Variants in GRID2 observed in about 807,000 individuals in gnomAD.
GRID2 encodes glutamate ionotropic receptor delta type subunit 2.
Under a neutral mutation model 114.8 loss-of-function variants are expected in GRID2, and 33 were observed. The ratio of observed to expected loss-of-function variants is 0.29; its 90% CI spans 0.22 to 0.38. GRID2 has a LOEUF of 0.38. Among genes scored for constraint, GRID2 ranks in the 10% least tolerant of loss-of-function variants. The probability of loss-of-function intolerance (pLI) is 1.00; values close to 1 mark genes in which losing one functional copy is unlikely to be tolerated. For missense variants in GRID2, 1,184 were observed against 1,257.7 expected, an observed-to-expected ratio of 0.94 and a Z score of 0.89; for synonymous variants, 505 against 449.9, an observed-to-expected ratio of 1.12 and a Z score of -1.55.
intron 8 of GRID2, among the ~76,000 whole-genome samples, chr4:93,268,525 C>G (rs1751102345): frequency 6.6e-6 from 1 of 152,156 alleles, no homozygotes; most frequent in African/African-American, 2.4e-5. Flanking sequence ...AGGATAAATT[C>G]AAGCCTTTAT....
At chr4:93,603,999 A>T (rs753078020) in intron 13 of GRID2, among the ~76,000 whole-genome samples, 32 of 152,366 alleles carry the variant, frequency 2.1e-4, no homozygotes, top group Non-Finnish European at 4.7e-4. Flanking sequence ...TGCTAACACA[A>T]GATCCATTCT....
chr4:92,441,652 G>A (rs888197449), intron 1 of GRID2, among the ~76,000 whole-genome samples: 12 of 152,116 alleles, frequency 7.9e-5, no homozygotes, highest in Admixed American at 5.9e-4. Context: ...AGGCCATGCT[G>A]TAGCAGGCGA....
chr4:92,939,035 G>A (rs1253043396), intron 2 of GRID2, among the ~76,000 whole-genome samples: 1 of 147,068 alleles, frequency 6.8e-6, no homozygotes, highest in South Asian at 2.3e-4. Flanking sequence ...ACATGTGTGG[G>A]TGTCTTTATA....
intron 1 of GRID2, among the ~76,000 whole-genome samples, chr4:92,474,257 T>C (rs571349608): frequency 8.5e-5 from 13 of 152,134 alleles, no homozygotes; most frequent in Middle Eastern, 6.8e-3. Flanking sequence ...GTATAAGTGA[T>C]GTCATGCAAT....
chr4:92,611,185 G>GC (rs139002622), intron 2 of GRID2, among the ~76,000 whole-genome samples: 7,045 of 150,650 alleles, frequency 0.047, 206 homozygotes, highest in East Asian at 0.095. Context: ...TGCTTAGGCT[G>GC]CATAATAAAA....
chr4:92,328,383 T>C (rs1043803367), intron 1 of GRID2, among the ~76,000 whole-genome samples: 11 of 152,160 alleles, frequency 7.2e-5, no homozygotes, highest in East Asian at 5.8e-4. Flanking sequence ...GCCAGAGTGG[T>C]TGAAAATAAA....
At chr4:93,803,898 A>C (rs1348920552) in intron 1 of GRID2, among the ~76,000 whole-genome samples, 1 of 152,238 alleles carries the variant, frequency 6.6e-6, no homozygotes, top group African/African-American at 2.4e-5. Context: ...ATTAAAAACA[A>C]AAATGTAAAA....
At chr4:93,363,461 T>A (rs2149278435) in intron 8 of GRID2, among the ~76,000 whole-genome samples, 1 of 152,254 alleles carries the variant, frequency 6.6e-6, no homozygotes, top group South Asian at 2.1e-4. Flanking sequence ...TTTCCAGACA[T>A]CTACATCCTA....
intron 2 of GRID2, among the ~76,000 whole-genome samples, chr4:92,660,949 T>C (rs1732483670): frequency 6.6e-6 from 1 of 151,050 alleles, no homozygotes; most frequent in African/African-American, 2.4e-5. Flanking sequence ...TCGGACCATT[T>C]TGGCTAACCT....
chr4:92,313,321 C>T (rs1327563997), intron 1 of GRID2, among the ~76,000 whole-genome samples: 1 of 151,902 alleles, frequency 6.6e-6, no homozygotes, highest in Admixed American at 6.6e-5. Flanking sequence ...ACTTTGGGGA[C>T]TTGCGAAGAA....
chr4:92,553,173 A>G (rs1726680038), intron 1 of GRID2, among the ~76,000 whole-genome samples: 1 of 152,224 alleles, frequency 6.6e-6, no homozygotes, highest in African/African-American at 2.4e-5. Flanking sequence ...ATTACCAATT[A>G]TAGCTTAATA....
chr4:92,661,755 C>T (rs1337464048), intron 2 of GRID2, among the ~76,000 whole-genome samples: 1 of 150,698 alleles, frequency 6.6e-6, no homozygotes, highest in Non-Finnish European at 1.5e-5. Flanking sequence ...AATTTCTCAA[C>T]TGAAATAATG....
At chr4:92,790,850 C>T (rs1378536605) in intron 2 of GRID2, among the ~76,000 whole-genome samples, 1 of 148,482 alleles carries the variant, frequency 6.7e-6, no homozygotes, top group African/African-American at 2.5e-5. Context: ...GTTTTGTTTT[C>T]TTCTTGGAAG....
chr4:92,677,385 C>A (rs1349152680), intron 2 of GRID2, among the ~76,000 whole-genome samples: 1 of 152,144 alleles, frequency 6.6e-6, no homozygotes, highest in African/African-American at 2.4e-5. Flanking sequence ...TTGGCAGGAA[C>A]CTTATGAAAA....
intron 2 of GRID2, among the ~76,000 whole-genome samples, chr4:92,891,939 A>T (rs1418125202): frequency 1.3e-5 from 2 of 152,168 alleles, no homozygotes; most frequent in African/African-American, 4.8e-5. Flanking sequence ...ATATTGAGAG[A>T]TTCCCATTAT....
intron 8 of GRID2, among the ~76,000 whole-genome samples, chr4:93,354,284 T>C (rs1368680546): frequency 2.0e-5 from 3 of 152,098 alleles, no homozygotes; most frequent in Non-Finnish European, 2.9e-5. Context: ...TTATTTTTCA[T>C]AATTTCTTAT....
chr4:93,471,724 A>ATTTTTTT (rs1376552924), intron 11 of GRID2, among the ~76,000 whole-genome samples: 1 of 19,688 alleles, frequency 5.1e-5, no homozygotes, highest in African/African-American at 4.0e-4. Context: ...TTGGAGACGG[A>ATTTTTTT]GTTTTTGCTC....
intron 2 of GRID2, among the ~76,000 whole-genome samples, chr4:92,733,087 C>CCT (rs138334585): frequency 0.1 from 15,339 of 150,550 alleles, 1,000 homozygotes; most frequent in Non-Finnish European, 0.14. Context: ...TTCATGTCTT[C>CCT]CTCTCTCTCT....
intron 11 of GRID2, among the ~76,000 whole-genome samples, chr4:93,465,602 A>G (rs978141363): frequency 1.3e-5 from 2 of 152,204 alleles, no homozygotes; most frequent in Non-Finnish European, 2.9e-5. Flanking sequence ...AACTGTATTC[A>G]TGACACAAAG....
Sources: gnomAD v4.1 joint callset for allele counts (sites outside exome capture counted in the v4.1 genomes callset) on GRCh38, gnomAD v4.1.1 for gene constraint, MANE v1.5 for transcripts, NCBI Gene and HGNC (gene_info 2026-07-23, HGNC 2026-07-21) for gene names.